Variants in ONECUT1 observed in about 807,000 individuals in gnomAD.
The protein encoded by ONECUT1 is one cut homeobox 1, also known as hepatocyte nuclear factor 6.
Under a neutral mutation model 25.6 loss-of-function variants are expected in ONECUT1, and 12 were observed. That is an observed-to-expected ratio of 0.47 (90% CI 0.30 to 0.76). The LOEUF (loss-of-function observed/expected upper bound fraction) is 0.76. Ranked by LOEUF, ONECUT1 falls within the 30% of genes least tolerant of loss-of-function variation. The probability of loss-of-function intolerance (pLI) is 0.07; values close to 1 mark genes in which losing one functional copy is unlikely to be tolerated. For synonymous variants in ONECUT1, 285 were observed against 270.2 expected (o/e 1.05, Z -0.54); for missense variants, 620 against 651.2 (o/e 0.95, Z 0.52).
chr15:52,774,359 G>A (rs1158463048), intron 1 of ONECUT1, among the ~76,000 whole-genome samples: 3 of 151,906 alleles, frequency 2.0e-5, no homozygotes, highest in Admixed American at 1.3e-4. Flanking sequence ...GGAGTGCAAT[G>A]GCTTGATCTT....
At position 52,790,266 on chromosome 15, in the gene ONECUT1, GCCCGCGCGCCTGCCGCGT is replaced by G. The variant is rs1044461454; in HGVS notation, c.-400_-383del. On this transcript the variant is annotated 5_prime_UTR_variant, in exon 1 of 2. Coordinates refer to ENST00000305901, the MANE Select transcript of ONECUT1 (RefSeq NM_004498.4). ...TGAGGTCTCCGGCTCCCCTGCCGCG[GCCCGCGCGCCTGCCGCGT>G]CTGCTGCCTGCCCGCCCCGCTGGCC... Among the ~76,000 whole-genome samples the G allele has an allele frequency of 6.6e-6, 1 of 151,110 alleles. No homozygotes were observed. The highest frequency in any genetic ancestry group is 2.4e-5 in the African/African-American group (1 of 41,246).
Position 52,778,959 on chromosome 15 carries a change from T to C in ONECUT1, c.1105+9821A>G, listed in dbSNP as rs545113567. 1.2e-4 allele frequency among the ~76,000 whole-genome samples: 18 copies of C among 151,752 alleles called. No homozygotes were observed. The South Asian group carries it at 3.5e-3, about 30-fold the overall frequency. On this transcript the variant is annotated intron_variant, in intron 1 of 1. Transcript: ENST00000305901. ...GAGCTAATTACTACAGAAATCTTCC[T>C]CTGGGGCACTTTATTCTTAATCCAG...
Position 52,784,846 on chromosome 15 carries a change from C to A in ONECUT1, c.1105+3934G>T, listed in dbSNP as rs1412262951. 6.6e-6 allele frequency among the ~76,000 whole-genome samples: 1 copy of A among 152,232 alleles called. No individual in the cohort carries two copies. The highest frequency in any genetic ancestry group is 1.9e-4 in the East Asian group (1 of 5,190). On this transcript the variant is annotated intron_variant, in intron 1 of 1. Coordinates refer to ENST00000305901, the MANE Select transcript of ONECUT1 (RefSeq NM_004498.4). This position sits in a 1 kb window ranked among gnomAD's most constrained non-coding sequence, Gnocchi z 5.0. ...GGGACTCCTTGGTCTCCGTAGGAGG[C>A]CATCCTAGGCCTTCGGAGGAGGCGC...
chr15:52,760,108 C>G (rs1293067962), intron 1 of ONECUT1, among the ~76,000 whole-genome samples: 1 of 152,148 alleles, frequency 6.6e-6, no homozygotes, highest in African/African-American at 2.4e-5. Flanking sequence ...GCAAGGCAGG[C>G]CTTATGGCCT....
rs72061188 is a variant in ONECUT1, at chr15:52,790,066, C to CGTGTGTGTGT, written c.-192_-183dup. The CGTGTGTGTGT allele has an allele frequency of 2.9e-6, 2 of 697,558 alleles. No individual in the cohort carries two copies. The highest frequency in any genetic ancestry group is 2.0e-5 in the African/African-American group (1 of 49,620). 43.2% of individuals were successfully genotyped at this position (697,558 alleles called of 1,614,324 possible). A position where few individuals can be genotyped will look rare whatever the true frequency, so the allele number is the denominator to read the frequency against. On this transcript the variant is annotated 5_prime_UTR_variant, in exon 1 of 2. Transcript: ENST00000305901. ...GTGTGTGTGTCCGTGTGTGCGTGTG[C>CGTGTGTGTGT]GTGTGTGTGTGTGTGTGTGTCTCGC...
chr15:52,771,480 T>C (rs2083767331), intron 1 of ONECUT1, among the ~76,000 whole-genome samples: 1 of 151,816 alleles, frequency 6.6e-6, no homozygotes, highest in Non-Finnish European at 1.5e-5. Flanking sequence ...TGTCTGTGTA[T>C]ATATCTATGG....
intron 1 of ONECUT1, chr15:52,781,024 AGAGCC>A: frequency 4.8e-6 from 2 of 418,686 alleles, no homozygotes; most frequent in Non-Finnish European, 6.5e-6. Flanking sequence ...TTTTTAGTGC[AGAGCC>A]CTAAAATTTG....
intron 1 of ONECUT1, among the ~76,000 whole-genome samples, chr15:52,760,261 A>C (rs1405702750): frequency 6.6e-6 from 1 of 152,148 alleles, no homozygotes; most frequent in Admixed American, 6.5e-5. Flanking sequence ...AGAGTCTCCA[A>C]ATAGAGTTCT....
intron 1 of ONECUT1, among the ~76,000 whole-genome samples, chr15:52,777,729 C>CAAAAAAA (rs1309303644): frequency 1.1e-5 from 1 of 87,362 alleles, no homozygotes; most frequent in African/African-American, 8.3e-5. Context: ...CACACACACA[C>CAAAAAAA]ACACACACAA....
At position 52,788,841 on chromosome 15, in the gene ONECUT1, C is replaced by T. The variant is rs2141466999; in HGVS notation, c.1044G>A (p.Arg348=). 1 of 1,614,160 alleles carries T rather than the reference C, an allele frequency of 6.2e-7. No individual in the cohort carries two copies. Among genetic ancestry groups the T allele is most frequent in the African/African-American group, 1.3e-5 (1 of 75,062 alleles). ...SKLKSGRETF[R]RMWKWLQEPE... Reference sequence around the variant, plus strand: ...GCTCCTGCAGCCACTTCCACATCCTCCGGAAGGTCTCCCGGCCGGATTTGA... The same window carrying T: ...GCTCCTGCAGCCACTTCCACATCCTTCGGAAGGTCTCCCGGCCGGATTTGA... Residue 348 remains arginine (R), a synonymous_variant, in exon 1 of 2, where the codon CGG becomes CGA. Coordinates refer to ENST00000305901, the MANE Select transcript of ONECUT1 (RefSeq NM_004498.4). The surrounding 1 kb of genome is among the most constrained non-coding windows in gnomAD (Gnocchi z 4.3).
intron 1 of ONECUT1, among the ~76,000 whole-genome samples, chr15:52,762,745 G>T (rs1310221575): frequency 6.6e-6 from 1 of 152,158 alleles, no homozygotes; most frequent in East Asian, 1.9e-4. Flanking sequence ...AGAAAGCAGA[G>T]ATATCAGTAA....
At position 52,756,194 on chromosome 15, in the gene ONECUT1, C is replaced by T. The variant is rs987574720; in HGVS notation, c.*1361G>A. Among the ~76,000 whole-genome samples, 4 of 152,108 alleles carry T rather than the reference C, an allele frequency of 2.6e-5. No individual in the cohort carries two copies. The highest frequency in any genetic ancestry group is 3.8e-4 in the East Asian group (2 of 5,204). On this transcript the variant is annotated 3_prime_UTR_variant, in exon 2 of 2. Coordinates refer to ENST00000305901, the MANE Select transcript of ONECUT1 (RefSeq NM_004498.4). ...TCAGTTGCACCTGCTGTTTTGTTGA[C>T]GTCCAAGTCATAAAATTTCTGGGAT...
rs1467796973 is a variant in ONECUT1 at position 52,789,112 on chromosome 15, G to A, written c.773C>T (p.Ala258Val). ...GCCCAGGAGTTGCCCGTGGCCCTGGGCGTTCAGGTGGGCGTGGGGATGGTG... is the reference window on the plus strand; with the variant it reads ...GCCCAGGAGTTGCCCGTGGCCCTGGACGTTCAGGTGGGCGTGGGGATGGTG... ...PPHHPHAHLN[A>V]QGHGQLLGTA... The change falls in exon 1 of 2, where the codon GCC (alanine) becomes GTC (valine). Residue 258 changes from alanine to valine, a missense_variant. Ala to Val is a moderately conservative substitution (Grantham distance 64, BLOSUM62 0). Around this residue, in one of 4 missense-constraint regions of ONECUT1, gnomAD observed 440 missense variants for 404.9 expected, o/e 1.09. Transcript: ENST00000305901. The surrounding 1 kb of genome is among the most constrained non-coding windows in gnomAD (Gnocchi z 4.1). The A allele has an allele frequency of 1.9e-6, 3 of 1,601,086 alleles. No individual in the cohort carries two copies. In the Admixed American group the frequency reaches 5.0e-5, roughly 27 times the overall value.
chr15:52,766,964 C>G (rs1347750777), intron 1 of ONECUT1, among the ~76,000 whole-genome samples: 2 of 152,152 alleles, frequency 1.3e-5, no homozygotes, highest in Non-Finnish European at 2.9e-5. Flanking sequence ...GATGGGAACC[C>G]TGGACAAGGT....
intron 1 of ONECUT1, among the ~76,000 whole-genome samples, chr15:52,761,205 G>A (rs1401289323): frequency 6.6e-6 from 1 of 152,098 alleles, no homozygotes; most frequent in East Asian, 1.9e-4. Flanking sequence ...ATTGGATGAG[G>A]CTATTTTTGC....
chr15:52,786,886 C>G (rs930178046), intron 1 of ONECUT1: 2 of 152,410 alleles, frequency 1.3e-5, no homozygotes, highest in African/African-American at 4.8e-5. Context: ...GGGTAGCCTT[C>G]TCCATTTCTA....
chr15:52,787,602 G>C (rs2083884673), intron 1 of ONECUT1, among the ~76,000 whole-genome samples: 1 of 150,338 alleles, frequency 6.7e-6, no homozygotes, highest in Non-Finnish European at 1.5e-5. Flanking sequence ...CTCAGGCCTG[G>C]GCGCTGGGCT....
intron 1 of ONECUT1, among the ~76,000 whole-genome samples, chr15:52,779,922 T>A (rs781546687): frequency 6.6e-6 from 1 of 152,162 alleles, no homozygotes; most frequent in Non-Finnish European, 1.5e-5. Flanking sequence ...TCTCCATCCA[T>A]CAGACAGTAA....
At chr15:52,767,893 C>T (rs973179672) in intron 1 of ONECUT1, among the ~76,000 whole-genome samples, 2 of 152,080 alleles carry the variant, frequency 1.3e-5, no homozygotes, top group South Asian at 2.1e-4. Flanking sequence ...TGCAGCAACA[C>T]GGTTGGAACT....
Sources: allele counts gnomAD v4.1 joint callset (sites outside exome capture counted in the v4.1 genomes callset), GRCh38; gene constraint gnomAD v4.1.1; regional missense constraint gnomAD v4.1.1; non-coding constraint Gnocchi (gnomAD v3.1); transcripts MANE v1.5; gene names NCBI Gene and HGNC (gene_info 2026-07-23, HGNC 2026-07-21).